CCDC171: variants seen among roughly 807,000 people sequenced by gnomAD.
CCDC171 encodes coiled-coil domain-containing protein 171.
A neutral mutation model predicts 168.2 loss-of-function variants in CCDC171; 177 were observed. The ratio of observed to expected loss-of-function variants is 1.05; its 90% CI spans 0.93 to 1.19. CCDC171 has a LOEUF of 1.19. Ranked by LOEUF, CCDC171 falls within the 50% of genes most tolerant of loss-of-function variation. The pLI is 0.00. For synonymous variants in CCDC171, 687 were observed against 540.8 expected (o/e 1.27, Z -3.75); for missense variants, 1,991 against 1,539.0 (o/e 1.29, Z -4.91).
intron 21 of CCDC171, among the ~76,000 whole-genome samples, chr9:15,799,186 C>T (rs2058703908): frequency 8.2e-6 from 1 of 122,682 alleles, no homozygotes; most frequent in African/African-American, 3.1e-5. Flanking sequence ...TGCACACTTC[C>T]TTTATATAGA....
intron 18 of CCDC171, among the ~76,000 whole-genome samples, chr9:15,747,293 C>T (rs1417565515): frequency 1.3e-5 from 2 of 152,190 alleles, no homozygotes; most frequent in African/African-American, 2.4e-5. Flanking sequence ...GACAGAGCCC[C>T]TGGGGGAAGG....
At chr9:15,654,722 G>C (rs1347955498) in intron 7 of CCDC171, among the ~76,000 whole-genome samples, 2 of 152,188 alleles carry the variant, frequency 1.3e-5, no homozygotes, top group Admixed American at 1.3e-4. Flanking sequence ...CCCAGCGTGA[G>C]CGACGCAGAA....
chr9:15,823,283 C>A (rs549016550), intron 21 of CCDC171, among the ~76,000 whole-genome samples: 1 of 152,002 alleles, frequency 6.6e-6, no homozygotes, highest in Admixed American at 6.6e-5. Context: ...ATGTAACAAA[C>A]CTTCACGTTG....
intron 3 of CCDC171, among the ~76,000 whole-genome samples, chr9:15,996,077 A>G (rs1016311291): frequency 1.7e-4 from 26 of 152,234 alleles, no homozygotes; most frequent in African/African-American, 6.3e-4. Flanking sequence ...ACTGCTGTCC[A>G]GTTTCTCCAA....
the CCDC171 span, among the ~76,000 whole-genome samples, chr9:16,104,341 G>T: frequency 6.6e-6 from 1 of 151,632 alleles, no homozygotes; most frequent in East Asian, 1.9e-4. Flanking sequence ...GGTCTCCAAA[G>T]CTCCTGCCTT....
At chr9:16,080,486 T>A in the CCDC171 span, among the ~76,000 whole-genome samples, 1 of 152,258 alleles carries the variant, frequency 6.6e-6, no homozygotes, top group East Asian at 1.9e-4. Flanking sequence ...TATTGAATCA[T>A]GCTCAGCTCA....
chr9:15,838,264 A>G (rs956065059), intron 21 of CCDC171, among the ~76,000 whole-genome samples: 17 of 152,334 alleles, frequency 1.1e-4, no homozygotes, highest in Admixed American at 3.3e-4. Context: ...TTTGAAAATC[A>G]TTTTTAACAT....
downstream of CCDC171, among the ~76,000 whole-genome samples, chr9:15,976,567 T>C (rs1161757360): frequency 2.0e-5 from 3 of 152,058 alleles, no homozygotes; most frequent in African/African-American, 7.2e-5. Context: ...TTGGTTGGCA[T>C]ATTTTAATAG....
At chr9:15,615,060 A>G (rs1333283022) in intron 6 of CCDC171, among the ~76,000 whole-genome samples, 2 of 152,214 alleles carry the variant, frequency 1.3e-5, no homozygotes, top group Non-Finnish European at 2.9e-5. Context: ...CAAACTGACA[A>G]GGATAGAAGA....
At chr9:15,791,983 T>C (rs543839492) in intron 21 of CCDC171, among the ~76,000 whole-genome samples, 20 of 152,256 alleles carry the variant, frequency 1.3e-4, no homozygotes, top group African/African-American at 4.3e-4. Context: ...AGAATGACTT[T>C]GATGAGTTGA....
At chr9:16,038,789 G>T (rs4741558), upstream of CCDC171, among the ~76,000 whole-genome samples, 55,451 of 148,126 alleles carry the variant, frequency 0.37, 12,129 homozygotes, top group East Asian at 0.64. Context: ...TAAAATCTAT[G>T]TGGTTTTATA....
In CCDC171 at chr9:15,904,019, G is replaced by A. The variant is rs548094229; in HGVS notation, c.3601-16251G>A. On this transcript the variant is annotated intron_variant, in intron 24 of 25. Coordinates refer to ENST00000380701, the MANE Select transcript of CCDC171 (RefSeq NM_173550.4). ...CAAACAAAGCCTCCAAGAAATATGGGACTATGTGAAAAGACCAAATCTACA... is the reference window on the plus strand; with the variant it reads ...CAAACAAAGCCTCCAAGAAATATGGAACTATGTGAAAAGACCAAATCTACA... Among the ~76,000 whole-genome samples the A allele has an allele frequency of 2.6e-4, 39 of 152,278 alleles. No individual in the cohort carries two copies. In the South Asian group the frequency reaches 8.1e-3, roughly 32 times the overall value.
chr9:15,809,662 T>C (rs900749453), intron 21 of CCDC171, among the ~76,000 whole-genome samples: 23 of 152,326 alleles, frequency 1.5e-4, no homozygotes, highest in African/African-American at 5.5e-4. Flanking sequence ...GGTGGCTTCA[T>C]GGTCTCACTG....
Position 15,770,797 on chromosome 9 carries a change from G to A in CCDC171, c.2672-6803G>A, listed in dbSNP as rs145475502. ...TTCTGTGAAAATGCTTATACCCAGC[G>A]TAAAACCTTCACACAATACAGAAAC... is the stretch of plus-strand genomic sequence containing the variant. On this transcript the variant is annotated intron_variant, in intron 18 of 25. Coordinates refer to ENST00000380701, the MANE Select transcript of CCDC171 (RefSeq NM_173550.4). 7.9e-3 allele frequency among the ~76,000 whole-genome samples: 1,204 copies of A among 152,210 alleles called. 12 individuals are homozygous for A. The highest frequency in any genetic ancestry group is 0.011 in the Non-Finnish European group (727 of 67,998).
chr9:15,666,093 A>T, intron 8 of CCDC171, 70 bp from the exon 9 acceptor site: 4 of 1,350,868 alleles, frequency 3.0e-6, no homozygotes, highest in Non-Finnish European at 4.2e-6. Context: ...CTGACAAAGT[A>T]TTCTACTCAA....
At chr9:16,024,137 C>G (rs984924461) in intron 6 of CCDC171, among the ~76,000 whole-genome samples, 9 of 151,968 alleles carry the variant, frequency 5.9e-5, no homozygotes, top group African/African-American at 2.2e-4. Context: ...TAGATCCTCC[C>G]AAAGGAATGC....
At chr9:15,655,850 A>G (rs868250160) in intron 7 of CCDC171, among the ~76,000 whole-genome samples, 29 of 152,242 alleles carry the variant, frequency 1.9e-4, no homozygotes, top group Admixed American at 4.6e-4. Flanking sequence ...AATTAAAACT[A>G]AAATGAGATA....
At chr9:15,761,412 C>A (rs2056437727) in intron 18 of CCDC171, among the ~76,000 whole-genome samples, 1 of 152,046 alleles carries the variant, frequency 6.6e-6, no homozygotes, top group African/African-American at 2.4e-5. Flanking sequence ...AGTGCTGAGG[C>A]TTTATTGAAT....
intron 7 of CCDC171, among the ~76,000 whole-genome samples, chr9:15,639,926 A>G (rs2046468489): frequency 6.6e-6 from 1 of 152,194 alleles, no homozygotes; most frequent in Non-Finnish European, 1.5e-5. Context: ...ATTTTTGTCT[A>G]CAACACAGGT....
Sources: gnomAD v4.1 joint callset for allele counts (sites outside exome capture counted in the v4.1 genomes callset) on GRCh38, gnomAD v4.1.1 for gene constraint, MANE v1.5 for transcripts, NCBI Gene and HGNC (gene_info 2026-07-23, HGNC 2026-07-21) for gene names.